Variants in TRPM1 observed in about 807,000 individuals in gnomAD.
TRPM1 encodes transient receptor potential cation channel subfamily M member 1.
A neutral mutation model predicts 149.4 loss-of-function variants in TRPM1; 113 were observed. That is an observed-to-expected ratio of 0.76 (90% CI 0.65 to 0.88). TRPM1 has a LOEUF of 0.88. Ranked by LOEUF, TRPM1 falls within the 40% of genes least tolerant of loss-of-function variation. The pLI is 0.00. For synonymous variants in TRPM1, 741 were observed against 759.5 expected, an observed-to-expected ratio of 0.98 and a Z score of 0.40; for missense variants, 1,976 against 2,038.7, an observed-to-expected ratio of 0.97 and a Z score of 0.59.
chr15:31,142,043 G>A (rs957597054), intron 1 of TRPM1, among the ~76,000 whole-genome samples: 11 of 151,904 alleles, frequency 7.2e-5, no homozygotes, highest in Non-Finnish European at 1.3e-4. Context: ...CAATTTAGTG[G>A]GACTTCATCT....
chr15:31,081,526 G>C, intron 1 of TRPM1, 88 bp from the exon 2 acceptor site: 2 of 812,290 alleles, frequency 2.5e-6, no homozygotes, highest in Non-Finnish European at 3.9e-6. Context: ...CCCTCCCTTT[G>C]TTCCAGTCTC....
intron 1 of TRPM1, among the ~76,000 whole-genome samples, chr15:31,100,086 CT>C (rs1157034431): frequency 3.4e-3 from 487 of 144,340 alleles, no homozygotes; most frequent in Middle Eastern, 7.2e-3. Flanking sequence ...TTCTTTCCTT[CT>C]TTTTTTTTTT....
chr15:31,038,610 G>T (rs1023489896), intron 18 of TRPM1, among the ~76,000 whole-genome samples: 85 of 152,314 alleles, frequency 5.6e-4, no homozygotes, highest in African/African-American at 2.0e-3. Flanking sequence ...TACTTGGGAG[G>T]CTGAGGCACA....
At chr15:31,017,956 G>A (rs2032427097) in intron 27 of TRPM1, among the ~76,000 whole-genome samples, 1 of 152,190 alleles carries the variant, frequency 6.6e-6, no homozygotes, top group African/African-American at 2.4e-5. Context: ...GTCCCTGTGT[G>A]TCTTTCCTAG....
At chr15:31,148,259 G>A (rs75788529) in intron 1 of TRPM1, among the ~76,000 whole-genome samples, 3,843 of 152,248 alleles carry the variant, frequency 0.025, 161 homozygotes, top group African/African-American at 0.088. Context: ...TGGTAGGTGC[G>A]AGGACAGCAG....
Position 31,120,863 on chromosome 15 carries a change from C to T in TRPM1, c.54+40043G>A, listed in dbSNP as rs141913162. The stretch of plus-strand genomic sequence containing the variant: ...AAATGAAAATGAAAACACAATTTAC[C>T]AAAATGTGTGGGAATGCAGTGAAAG... On this transcript the variant is annotated intron_variant, in intron 1 of 26. Coordinates refer to the TRPM1 transcript ENST00000542188. Among the ~76,000 whole-genome samples, 707 of 152,010 alleles carry T rather than the reference C, an allele frequency of 4.7e-3. 4 individuals are homozygous for T. The highest frequency in any genetic ancestry group is 0.017 in the African/African-American group (686 of 41,444).
intron 1 of TRPM1, among the ~76,000 whole-genome samples, chr15:31,111,495 G>A (rs906313401): frequency 1.3e-5 from 2 of 152,216 alleles, no homozygotes; most frequent in African/African-American, 2.4e-5. Context: ...GTGTTCCTGA[G>A]AAGAAATGTG....
intron 1 of TRPM1, among the ~76,000 whole-genome samples, chr15:31,133,056 C>T (rs2036038642): frequency 6.6e-6 from 1 of 152,196 alleles, no homozygotes; most frequent in Non-Finnish European, 1.5e-5. Context: ...ATGCATTTCA[C>T]TCATTTTGTC....
rs747155742 is a variant in TRPM1 at position 31,041,907 on chromosome 15, G to A, written c.2087+44C>T. 1.4e-5 allele frequency: 23 copies of A among 1,608,754 alleles called. No homozygotes were observed. The Middle Eastern group carries it at 6.6e-4, about 46-fold the overall frequency. ...CCTCCCTGCAGAGACAAGTACTCAG[G>A]ATGGTCATCTCTCCTGGCCTTTAAA... On this transcript the variant is annotated intron_variant, in intron 17 of 27. Coordinates refer to ENST00000256552, the MANE Select transcript of TRPM1 (RefSeq NM_001252024.2).
In TRPM1 at chr15:31,159,319, T is replaced by C. The variant is rs115282092; in HGVS notation, c.54+1587A>G. 7.2e-4 allele frequency among the ~76,000 whole-genome samples: 109 copies of C among 152,196 alleles called. 1 individual carries two copies. The highest frequency in any genetic ancestry group is 2.6e-3 in the African/African-American group (107 of 41,522). ...AGTACACTGGGCACAGGTGAACAGG[T>C]GACATCAAATTCAAGAACAACAAAA... is the stretch of plus-strand genomic sequence containing the variant. On this transcript the variant is annotated intron_variant, in intron 1 of 26. Transcript: ENST00000542188.
At chr15:31,066,909 C>T (rs1215843225) in intron 6 of TRPM1, among the ~76,000 whole-genome samples, 154 bp downstream of exon 6, 4 of 152,162 alleles carry the variant, frequency 2.6e-5, no homozygotes, top group African/African-American at 9.7e-5. Context: ...TGTGATCTTG[C>T]ATTATGGTTT....
At position 31,002,075 on chromosome 15, in the gene TRPM1, C is replaced by T. The variant is rs554416392; in HGVS notation, c.4625G>A (p.Arg1542His). 8.7e-6 allele frequency: 14 copies of T among 1,614,148 alleles called. No individual in the cohort carries two copies. Among genetic ancestry groups the T allele is most frequent in the Middle Eastern group, 1.6e-4 (1 of 6,062 alleles). The change falls in exon 28 of 28, where the codon CGC (arginine) becomes CAC (histidine). Residue 1542 changes from arginine to histidine, a missense_variant. Coordinates refer to ENST00000256552, the MANE Select transcript of TRPM1 (RefSeq NM_001252024.2). ...TCTGTCAGTAATGGTTAGGGACAAG[C>T]GAGGGATTCGAGGAATTGCTTCAGC... ...HVAEAIPRIP[R>H]LSLTITDRNG...
At position 31,161,133 on chromosome 15, in the gene TRPM1, C is replaced by T. The variant is rs115773261; in HGVS notation, c.-174G>A. On this transcript the variant is annotated 5_prime_UTR_variant, in exon 1 of 27. Transcript: ENST00000542188. ...GGGGGCCGAGATCCTGGGGCGAGGC[C>T]GGCCGGAGGCTGGTTCAGCCTAGGA... The T allele has an allele frequency of 1.2e-3, 743 of 636,134 alleles. 4 individuals carry two copies. The African/African-American group carries it at 0.012, about 11-fold the overall frequency. The allele number at this position is 636,134 out of a possible 1,614,324, so 39.4% of individuals were successfully genotyped here. A position where few individuals can be genotyped will look rare whatever the true frequency, so the allele number is the denominator to read the frequency against.
chr15:31,088,471 G>C (rs956447140), intron 1 of TRPM1, among the ~76,000 whole-genome samples: 1 of 152,158 alleles, frequency 6.6e-6, no homozygotes, highest in Non-Finnish European at 1.5e-5. Flanking sequence ...CTTCACTCCT[G>C]AAGTCAGCAA....
chr15:31,077,543 G>A (rs2034736192), intron 2 of TRPM1, among the ~76,000 whole-genome samples: 1 of 152,192 alleles, frequency 6.6e-6, no homozygotes, highest in African/African-American at 2.4e-5. Context: ...AGGGTTTGTG[G>A]AGTCAGTTGG....
chr15:31,031,258 T>C, intron 22 of TRPM1, 101 bp from the exon 23 acceptor site: 1 of 1,323,446 alleles, frequency 7.6e-7, no homozygotes, highest in Non-Finnish European at 1.1e-6. Flanking sequence ...TCACGAGTGC[T>C]TAATTAGGAC....
intron 1 of TRPM1, among the ~76,000 whole-genome samples, chr15:31,108,984 C>T (rs1259781373): frequency 6.6e-6 from 1 of 152,148 alleles, no homozygotes; most frequent in Non-Finnish European, 1.5e-5. Context: ...CTCTCCCATG[C>T]TCCAGACACT....
At chr15:31,095,574 A>T (rs373112603) in intron 1 of TRPM1, among the ~76,000 whole-genome samples, 1 of 151,672 alleles carries the variant, frequency 6.6e-6, no homozygotes, top group African/African-American at 2.4e-5. Flanking sequence ...AATCCCAGCT[A>T]CTCGGGAGGC....
chr15:31,006,166 A>ATTTCT (rs779389351), intron 27 of TRPM1, among the ~76,000 whole-genome samples: 19 of 151,734 alleles, frequency 1.3e-4, no homozygotes, highest in East Asian at 7.7e-4. Flanking sequence ...TCTCTTAAAG[A>ATTTCT]TTTCTTTTCT....
Sources: gnomAD v4.1 joint callset for allele counts (sites outside exome capture counted in the v4.1 genomes callset) on GRCh38, gnomAD v4.1.1 for gene constraint, MANE v1.5 for transcripts, NCBI Gene and HGNC (gene_info 2026-07-23, HGNC 2026-07-21) for gene names.